Variants in NAV1 observed in about 807,000 individuals in gnomAD.
NAV1 encodes pore membrane and/or filament interacting like protein 3.
In NAV1, 18 loss-of-function variants were observed where a neutral mutation model predicts 175.2. The observed-to-expected ratio is 0.10, with a 90% CI of 0.07 to 0.15. The LOEUF (loss-of-function observed/expected upper bound fraction) is 0.15, where lower values mean the gene tolerates loss of function less well. Among genes scored for constraint, NAV1 ranks in the 10% least tolerant of loss-of-function variants. NAV1 has a pLI of 1.00. For synonymous variants in NAV1, 897 were observed against 978.7 expected, an observed-to-expected ratio of 0.92 and a Z score of 1.56; for missense variants, 1,731 against 2,436.6, an observed-to-expected ratio of 0.71 and a Z score of 6.10.
At chr1:201,709,487 T>C (rs1671806556) in intron 1 of NAV1, among the ~76,000 whole-genome samples, 1 of 152,204 alleles carries the variant, frequency 6.6e-6, no homozygotes, top group Non-Finnish European at 1.5e-5. Flanking sequence ...GAGGCCTTTC[T>C]TTTGTACACA....
chr1:201,771,193 C>T (rs1675553913), intron 3 of NAV1, among the ~76,000 whole-genome samples: 1 of 150,938 alleles, frequency 6.6e-6, no homozygotes, highest in Non-Finnish European at 1.5e-5. Context: ...GAGCCGAGAT[C>T]CCGCCACTGC....
exon 30 of NAV1, chr1:201,820,185 T>C (rs1679304920): frequency 5.0e-6 from 2 of 399,348 alleles, no homozygotes; most frequent in African/African-American, 2.0e-5. Flanking sequence ...CTAATGACTT[T>C]GGGGAAAAGA....
chr1:201,639,138 G>A (rs779525541), intron 2 of NAV1, among the ~76,000 whole-genome samples: 57 of 152,332 alleles, frequency 3.7e-4, no homozygotes, highest in Non-Finnish European at 6.3e-4. Flanking sequence ...GCAAAGCAAA[G>A]GTGCAGGGGT....
chr1:201,682,169 C>G (rs1292881246), intron 1 of NAV1, among the ~76,000 whole-genome samples: 1 of 151,732 alleles, frequency 6.6e-6, no homozygotes, highest in Non-Finnish European at 1.5e-5. Context: ...GCCTGTAATC[C>G]CAGCTACCTG....
chr1:201,768,860 G>T (rs1675382949), intron 3 of NAV1, among the ~76,000 whole-genome samples: 1 of 152,100 alleles, frequency 6.6e-6, no homozygotes, highest in African/African-American at 2.4e-5. Context: ...AAAGTAGCAA[G>T]CAAGGAAAGC....
At chr1:201,588,777 G>A (rs1190693972) in intron 2 of NAV1, among the ~76,000 whole-genome samples, 128 bp downstream of exon 2, 1 of 152,130 alleles carries the variant, frequency 6.6e-6, no homozygotes, top group Non-Finnish European at 1.5e-5. Context: ...AATGTTTTGA[G>A]ATTAGTAGTG....
At chr1:201,649,915 T>A (rs1191252971) in intron 1 of NAV1, among the ~76,000 whole-genome samples, 1 of 151,706 alleles carries the variant, frequency 6.6e-6, no homozygotes, top group African/African-American at 2.4e-5. Context: ...CTCCACTTCC[T>A]CTGTGGATCC....
At chr1:201,622,761 C>T (rs1571850286), upstream of NAV1, 6 of 943,556 alleles carry the variant, frequency 6.4e-6, no homozygotes, top group Middle Eastern at 2.2e-3. Flanking sequence ...GCTCGAGCCT[C>T]CCCACAGACC....
At chr1:201,677,166 C>T (rs1234457060) in intron 1 of NAV1, among the ~76,000 whole-genome samples, 15 of 149,742 alleles carry the variant, frequency 1.0e-4, no homozygotes. Context: ...GCAGAAGAAT[C>T]GCTTGAACTT....
chr1:201,598,702 G>A lies in NAV1; in HGVS notation c.-33+10053G>A, dbSNP rs1313307787. Among the ~76,000 whole-genome samples the A allele has an allele frequency of 9.2e-5, 14 of 152,164 alleles. No individual in the cohort carries two copies. In the South Asian group the frequency reaches 1.9e-3, roughly 20 times the overall value. The stretch of plus-strand genomic sequence containing the variant: ...CATCATCTGTCAATTGCCTTCCCCC[G>A]ACTAGAAGGAGCTGAGCTAATGGAT... On this transcript the variant is annotated intron_variant, in intron 2 of 33. Coordinates refer to the NAV1 transcript ENST00000685211.
At chr1:201,798,290 T>C (rs1311408522) in intron 15 of NAV1, 1 of 152,240 alleles carries the variant, frequency 6.6e-6, no homozygotes, top group Non-Finnish European at 1.5e-5. Context: ...CTTGCTGTGC[T>C]CGTTCTTCCA....
rs780139848 is a variant in NAV1 at position 201,794,152 on chromosome 1, C to T, written c.3405+277C>T. 1.9e-4 allele frequency: 127 copies of T among 663,494 alleles called. 2 individuals carry two copies. Among genetic ancestry groups the T allele is most frequent in the South Asian group, 7.5e-5 (5 of 66,408 alleles). 41.1% of individuals were successfully genotyped at this position (663,494 alleles called of 1,614,324 possible). On this transcript the variant is annotated intron_variant, in intron 14 of 29. Transcript: ENST00000367296. ...GGCTCCTGCTAATCCCAACTAATGA[C>T]GCTGTTTTCTTTTTTTGAGATGGAG...
rs778987009 is a variant in NAV1, at chr1:201,781,207, A to G, written c.1561A>G (p.Ile521Val). 22 of 1,613,936 alleles carry G rather than the reference A, an allele frequency of 1.4e-5. No homozygotes were observed. The South Asian group carries it at 1.8e-4, about 13-fold the overall frequency. The change falls in exon 5 of 30, where the codon ATC becomes GTC. Residue 521 changes from isoleucine to valine, a missense_variant. Coordinates refer to ENST00000367296, the Ensembl canonical transcript of NAV1. ...CAAGGGTGGAGAACTGAAAAAGCCC[A>G]TCAGCCTGGGCCACCCTGGTTCCCT...
At chr1:201,564,407 G>T (rs1021312724) in intron 1 of NAV1, among the ~76,000 whole-genome samples, 1 of 152,118 alleles carries the variant, frequency 6.6e-6, no homozygotes, top group African/African-American at 2.4e-5. Flanking sequence ...TTGAGGTCAG[G>T]TGTTCGAGAC....
chr1:201,701,334 A>G (rs1371190168), intron 1 of NAV1, among the ~76,000 whole-genome samples: 2 of 152,104 alleles, frequency 1.3e-5, no homozygotes, highest in Admixed American at 6.6e-5. Context: ...AATGGGTGCA[A>G]CAAACCAACA....
Position 201,810,623 on chromosome 1 carries a change from C to T in NAV1, c.4662C>T (p.Leu1554=), listed in dbSNP as rs548230753. The T allele has an allele frequency of 3.3e-5, 54 of 1,614,122 alleles. No individual in the cohort carries two copies. The highest frequency in any genetic ancestry group is 4.4e-5 in the Non-Finnish European group (52 of 1,180,004). ...GCCTCCTGCTGAAGCACCGGCGCCT[C>T]GTCCTCTCGGGCCCCAGCGGCACGG... The change falls in exon 24 of 30, where the codon CTC becomes CTT. Residue 1554 remains leucine, a synonymous_variant. Coordinates refer to ENST00000367296, the Ensembl canonical transcript of NAV1. This position sits in a 1 kb window ranked among gnomAD's most constrained non-coding sequence, Gnocchi z 6.0.
At chr1:201,645,523 C>T (rs1668948469), upstream of NAV1, among the ~76,000 whole-genome samples, 1 of 151,700 alleles carries the variant, frequency 6.6e-6, no homozygotes. Flanking sequence ...GCACCTTGTG[C>T]ACATGTACCC....
At chr1:201,720,956 G>C (rs1325849090) in intron 3 of NAV1, among the ~76,000 whole-genome samples, 1 of 151,614 alleles carries the variant, frequency 6.6e-6, no homozygotes, top group African/African-American at 2.4e-5. Flanking sequence ...ATAATAGGCT[G>C]TGGGGGCATG....
intron 1 of NAV1, among the ~76,000 whole-genome samples, chr1:201,562,488 C>G (rs1219536810): frequency 6.6e-6 from 1 of 152,216 alleles, no homozygotes; most frequent in African/African-American, 2.4e-5. Context: ...TCCATCACAG[C>G]AACCCCTCAG....
Sources: allele counts gnomAD v4.1 joint callset (sites outside exome capture counted in the v4.1 genomes callset), GRCh38; gene constraint gnomAD v4.1.1; non-coding constraint Gnocchi (gnomAD v3.1); transcripts MANE v1.5; gene names NCBI Gene and HGNC (gene_info 2026-07-23, HGNC 2026-07-21).